CSMD2: variants seen among roughly 807,000 people sequenced by gnomAD.
CSMD2 encodes the protein CUB and sushi domain-containing protein 2.
Under a neutral mutation model 398.5 loss-of-function variants are expected in CSMD2, and 130 were observed. The ratio of observed to expected loss-of-function variants is 0.33; its 90% CI spans 0.28 to 0.38. CSMD2 has a LOEUF of 0.38. Ranked by LOEUF, CSMD2 falls within the 10% of genes least tolerant of loss-of-function variation. CSMD2 has a pLI of 1.00. For missense variants in CSMD2, 3,829 were observed against 4,764.9 expected (o/e 0.80, Z 5.78); for synonymous variants, 1,828 against 1,908.5 (o/e 0.96, Z 1.10).
intron 1 of CSMD2, among the ~76,000 whole-genome samples, chr1:34,149,998 C>T (rs144957705): frequency 2.0e-5 from 3 of 152,050 alleles, no homozygotes; most frequent in East Asian, 1.9e-4. Flanking sequence ...TCATTAAAGA[C>T]GCAGATCCCT....
At chr1:33,773,741 T>G (rs1371714115) in intron 12 of CSMD2, among the ~76,000 whole-genome samples, 1 of 152,128 alleles carries the variant, frequency 6.6e-6, no homozygotes, top group Non-Finnish European at 1.5e-5. Flanking sequence ...CAGGAGGTCA[T>G]GAAGCCAGTG....
intron 13 of CSMD2, among the ~76,000 whole-genome samples, chr1:33,749,764 G>A (rs549209631): frequency 6.6e-6 from 1 of 152,180 alleles, no homozygotes; most frequent in African/African-American, 2.4e-5. Context: ...GGATAAGATG[G>A]AGCATTTCCT....
chr1:33,738,381 G>A (rs1292042100), intron 15 of CSMD2, among the ~76,000 whole-genome samples: 2 of 152,130 alleles, frequency 1.3e-5, no homozygotes, highest in African/African-American at 2.4e-5. Flanking sequence ...TACCACGGTT[G>A]GTACACAATG....
At chr1:33,810,474 A>G (rs1433839459) in intron 10 of CSMD2, among the ~76,000 whole-genome samples, 1 of 152,124 alleles carries the variant, frequency 6.6e-6, no homozygotes, top group African/African-American at 2.4e-5. Context: ...AGGATTGGTG[A>G]GGAACCTGCA....
At chr1:33,694,437 G>C (rs1325762803) in intron 24 of CSMD2, among the ~76,000 whole-genome samples, 1 of 152,148 alleles carries the variant, frequency 6.6e-6, no homozygotes, top group Non-Finnish European at 1.5e-5. Context: ...GAGGAACCTG[G>C]TGGGAGGTGA....
chr1:33,538,479 T>C (rs1259590520), intron 60 of CSMD2, among the ~76,000 whole-genome samples: 4 of 152,176 alleles, frequency 2.6e-5, no homozygotes, highest in Non-Finnish European at 5.9e-5. Context: ...CGTGTGCGTG[T>C]GTGTGTGTGT....
At chr1:33,772,413 C>CA in intron 13 of CSMD2, 156 bp downstream of exon 13, 2 of 621,486 alleles carry the variant, frequency 3.2e-6, no homozygotes, top group East Asian at 5.5e-5. Flanking sequence ...ATAAGGACCC[C>CA]ACCAGCAACG....
intron 3 of CSMD2, among the ~76,000 whole-genome samples, chr1:33,972,814 C>A (rs1240127137): frequency 6.6e-6 from 1 of 152,154 alleles, no homozygotes; most frequent in African/African-American, 2.4e-5. Flanking sequence ...AGATTTGTTA[C>A]AAAGGCCATA....
Position 33,985,521 on chromosome 1 carries a change from T to C in CSMD2, c.517+47073A>G, listed in dbSNP as rs1044373127. ...GAAGGCATGGGGCTGGCTTGGAGGG[T>C]GCTTGTAGGAAAGATCAAGCCAGTG... On this transcript the variant is annotated intron_variant, in intron 3 of 70. Transcript: ENST00000373381. 3.3e-5 allele frequency among the ~76,000 whole-genome samples: 5 copies of C among 151,938 alleles called. No individual in the cohort carries two copies. The South Asian group carries it at 1.0e-3, about 32-fold the overall frequency.
At chr1:33,674,888 A>T (rs1019739068) in intron 25 of CSMD2, among the ~76,000 whole-genome samples, 9 of 152,152 alleles carry the variant, frequency 5.9e-5, no homozygotes, top group African/African-American at 1.4e-4. Flanking sequence ...AAGGCAGAAA[A>T]AAAGATGTTC....
At chr1:33,868,464 G>A (rs1431027789) in intron 5 of CSMD2, among the ~76,000 whole-genome samples, 2 of 152,238 alleles carry the variant, frequency 1.3e-5, no homozygotes, top group South Asian at 2.1e-4. Flanking sequence ...TAGGCCAGGC[G>A]CGGTGGCTCA....
chr1:33,820,035 G>C (rs1005567211), intron 8 of CSMD2, among the ~76,000 whole-genome samples, 198 bp from the exon 9 acceptor site: 2 of 152,122 alleles, frequency 1.3e-5, no homozygotes, highest in African/African-American at 4.8e-5. Context: ...CTGTTTAATG[G>C]TTTTAGGATT....
intron 48 of CSMD2, 55 bp from the exon 49 acceptor site, chr1:33,577,539 T>C: frequency 6.7e-7 from 1 of 1,501,860 alleles, no homozygotes; most frequent in Non-Finnish European, 9.1e-7. Flanking sequence ...ACAGACATGG[T>C]CTTTCATGCA....
chr1:33,637,752 A>G (rs1349223420), intron 29 of CSMD2, among the ~76,000 whole-genome samples: 1 of 152,202 alleles, frequency 6.6e-6, no homozygotes, highest in African/African-American at 2.4e-5. Context: ...AGAGAGGTCT[A>G]GAGATGGGGA....
intron 3 of CSMD2, among the ~76,000 whole-genome samples, chr1:34,006,359 C>T (rs1399156554): frequency 6.6e-6 from 1 of 152,080 alleles, no homozygotes; most frequent in African/African-American, 2.4e-5. Context: ...TCTATTATTC[C>T]AGGAGCTTCA....
At chr1:34,127,916 C>T (rs963592434) in intron 1 of CSMD2, among the ~76,000 whole-genome samples, 1 of 151,982 alleles carries the variant, frequency 6.6e-6, no homozygotes, top group South Asian at 2.1e-4. Context: ...TTGAGAGTCT[C>T]GGGGTCTCCA....
intron 3 of CSMD2, among the ~76,000 whole-genome samples, chr1:33,940,648 T>C (rs1644638412): frequency 6.6e-6 from 1 of 152,148 alleles, no homozygotes; most frequent in South Asian, 2.1e-4. Flanking sequence ...GACCTCGGTC[T>C]TTCTGCCTCC....
intron 28 of CSMD2, among the ~76,000 whole-genome samples, 172 bp downstream of exon 28, chr1:33,652,151 G>A (rs1181519475): frequency 2.0e-5 from 3 of 152,186 alleles, no homozygotes; most frequent in Non-Finnish European, 4.4e-5. Flanking sequence ...TGAGCACAGT[G>A]CTTGGCACGT....
At position 33,724,534 on chromosome 1, in the gene CSMD2, C is replaced by T. The variant is rs766051400; in HGVS notation, c.2866G>A (p.Ala956Thr). The T allele has an allele frequency of 1.7e-5, 27 of 1,613,786 alleles. No individual in the cohort carries two copies. Among genetic ancestry groups the T allele is most frequent in the African/African-American group, 1.3e-5 (1 of 74,916 alleles). Reference sequence around the variant, plus strand: ...CCCTCACCTTCACAACTGGGCAGGGCCCGGCTCCACTGGAAGTTGGGCTCA... The same window carrying T: ...CCCTCACCTTCACAACTGGGCAGGGTCCGGCTCCACTGGAAGTTGGGCTCA... The part of the protein sequence containing the change: ...ECEPNFQWSR[A>T]LPSCEALCGG... The change falls in exon 18 of 71, where the codon GCC (alanine) becomes ACC (threonine). Residue 956 changes from alanine to threonine, a missense_variant. Around this residue, in one of 5 missense-constraint regions of CSMD2, gnomAD observed 2,001 missense variants for 2,567.1 expected, o/e 0.78. Coordinates refer to ENST00000373381, the MANE Select transcript of CSMD2 (RefSeq NM_001281956.2).
Sources: gnomAD v4.1 joint callset for allele counts (sites outside exome capture counted in the v4.1 genomes callset) on GRCh38, gnomAD v4.1.1 for gene constraint, gnomAD v4.1.1 regional missense constraint, MANE v1.5 for transcripts, NCBI Gene and HGNC (gene_info 2026-07-23, HGNC 2026-07-21) for gene names.